ZNF625: variants seen among roughly 807,000 people sequenced by gnomAD.
ZNF625 encodes the protein zinc finger protein 625.
ZNF625 carries 8 observed loss-of-function variants against 11.1 expected under a neutral mutation model. The observed-to-expected ratio is 0.72, with a 90% CI of 0.42 to 1.30. The LOEUF (loss-of-function observed/expected upper bound fraction) is 1.30. Ranked by LOEUF, ZNF625 falls within the 50% of genes most tolerant of loss-of-function variation. The pLI is 0.01. For synonymous variants in ZNF625, 145 were observed against 153.4 expected (o/e 0.95, Z 0.41); for missense variants, 349 against 447.6 (o/e 0.78, Z 1.99).
intron 1 of ZNF625, among the ~76,000 whole-genome samples, chr19:12,149,064 G>A (rs575907033): frequency 1.3e-5 from 2 of 151,936 alleles, no homozygotes; most frequent in African/African-American, 4.8e-5. Flanking sequence ...GGTGGATCAC[G>A]AGGTCAGGAG....
chr19:12,150,789 C>G (rs778832467), intron 1 of ZNF625, among the ~76,000 whole-genome samples: 4 of 152,158 alleles, frequency 2.6e-5, no homozygotes, highest in Admixed American at 6.5e-5. Flanking sequence ...GAGAGTATCT[C>G]CCACTCACAT....
At chr19:12,156,420 G>T in intron 1 of ZNF625, 136 bp downstream of exon 1, 1 of 646,158 alleles carries the variant, frequency 1.5e-6, no homozygotes, top group Non-Finnish European at 2.2e-6. Context: ...GGGACCGAGG[G>T]CCGAGCTACG....
In ZNF625 at chr19:12,145,134, C is replaced by T; in HGVS notation, c.*163G>A. On this transcript the variant is annotated 3_prime_UTR_variant, in exon 4 of 4. Coordinates refer to ENST00000439556, the MANE Select transcript of ZNF625 (RefSeq NM_145233.4). ...TGAGTGAGGCCCCAGCTAAACTACTCCCAAAAATTTTTGCTCCTGGGCTAC... is the reference window on the plus strand; with the variant it reads ...TGAGTGAGGCCCCAGCTAAACTACTTCCAAAAATTTTTGCTCCTGGGCTAC... 1 of 786,680 alleles carries T rather than the reference C, an allele frequency of 1.3e-6. No individual in the cohort carries two copies. The highest frequency in any genetic ancestry group is 2.1e-6 in the Non-Finnish European group (1 of 484,592). 48.7% of individuals were successfully genotyped at this position (786,680 alleles called of 1,614,324 possible). A position where few individuals can be genotyped will look rare whatever the true frequency, so the allele number is the denominator to read the frequency against.
Position 12,145,465 on chromosome 19 carries a change from G to A in ZNF625, c.951C>T (p.His317=). ...QCGKAFRSAS[H]LRTHGRTHTG... ...TGTGAGTCCTTCCATGTGTTCGAAG[G>A]TGCGAGGCAGATCTGAAGGCTTTCC... Residue 317 remains histidine, a synonymous_variant, in exon 4 of 4, where the codon CAC becomes CAT. Coordinates refer to ENST00000439556, the MANE Select transcript of ZNF625 (RefSeq NM_145233.4). 3 of 1,613,964 alleles carry A rather than the reference G, an allele frequency of 1.9e-6. No individual in the cohort carries two copies. Among genetic ancestry groups the A allele is most frequent in the Non-Finnish European group, 2.5e-6 (3 of 1,179,980 alleles).
In ZNF625 at chr19:12,156,579, TG is replaced by T; in HGVS notation, c.-22del. Reference sequence around the variant, plus strand: ...ACCATTTCCCGGCTTCCAGGTGTCCTGGCCTCCTCTCCACGGATCCCTCTAA... The same window carrying T: ...ACCATTTCCCGGCTTCCAGGTGTCCTGCCTCCTCTCCACGGATCCCTCTAA... On this transcript the variant is annotated 5_prime_UTR_variant, in exon 1 of 4. Transcript: ENST00000439556. 1 of 1,392,720 alleles carries T rather than the reference TG, an allele frequency of 7.2e-7. No homozygotes were observed. The highest frequency in any genetic ancestry group is 9.3e-7 in the Non-Finnish European group (1 of 1,071,986). 86.3% of individuals were successfully genotyped at this position (1,392,720 alleles called of 1,614,324 possible).
rs1319699064 is a variant in ZNF625, at chr19:12,154,646, C to A, written c.3+1910G>T. Among the ~76,000 whole-genome samples, 11 of 152,306 alleles carry A rather than the reference C, an allele frequency of 7.2e-5. No individual in the cohort carries two copies. In the East Asian group the frequency reaches 1.9e-3, roughly 27 times the overall value. On this transcript the variant is annotated intron_variant, in intron 1 of 3. Transcript: ENST00000439556. ...ATCATTTAAGGTAGAAAAATCCAAA[C>A]AAGGCGACTACATCACTGTAACCAA...
chr19:12,156,124 G>C (rs1276200880), intron 1 of ZNF625, among the ~76,000 whole-genome samples: 1 of 152,140 alleles, frequency 6.6e-6, no homozygotes, highest in Non-Finnish European at 1.5e-5. Context: ...TGCCAGGCGT[G>C]ACCCACTGCG....
At chr19:12,151,076 C>T (rs1976947403) in intron 1 of ZNF625, among the ~76,000 whole-genome samples, 1 of 149,918 alleles carries the variant, frequency 6.7e-6, no homozygotes, top group Non-Finnish European at 1.5e-5. Flanking sequence ...GGTGAATACT[C>T]TTTGCAATTT....
Position 12,145,357 on chromosome 19 carries a change from G to A in ZNF625, c.1059C>T (p.His353=), listed in dbSNP as rs1976852394. 6.2e-7 allele frequency: 1 copy of A among 1,614,190 alleles called. No homozygotes were observed. The highest frequency in any genetic ancestry group is 8.5e-7 in the Non-Finnish European group (1 of 1,180,040). ...ASSVKIHERT[H]TGEKPCSSNT... is the part of the protein sequence containing the mutation. ...TGGAGCTACAGGGTTTTTCTCCAGT[G>A]TGAGTCCTTTCATGGATTTTAACGC... Residue 353 remains histidine, a synonymous_variant, in exon 4 of 4, where the codon CAC becomes CAT. Coordinates refer to ENST00000439556, the MANE Select transcript of ZNF625 (RefSeq NM_145233.4).
chr19:12,150,017 G>A (rs1373018320), intron 1 of ZNF625, among the ~76,000 whole-genome samples: 1 of 152,194 alleles, frequency 6.6e-6, no homozygotes, highest in Admixed American at 6.5e-5. Flanking sequence ...GGGATTACAG[G>A]TGTGAGCCAC....
In ZNF625 at chr19:12,145,862, T is replaced by A; in HGVS notation, c.554A>T (p.His185Leu). Residue 185 changes from histidine (H) to leucine (L), a missense_variant, in exon 4 of 4, where the codon CAC (histidine) becomes CTC (leucine). His to Leu is a moderately conservative substitution (Grantham distance 99, BLOSUM62 -3). Transcript: ENST00000439556. ...RSSIRRHRIM[H>L]SGDGPYKCNF... is the part of the protein sequence containing the mutation. ...ACATTTGTAGGGTCCATCTCCACTG[T>A]GCATTATCCTGTGTCTTCGAATGCT... 1 of 1,614,218 alleles carries A rather than the reference T, an allele frequency of 6.2e-7. No homozygotes were observed. The highest frequency in any genetic ancestry group is 2.2e-5 in the East Asian group (1 of 44,886).
chr19:12,147,344 A>C, intron 3 of ZNF625, 51 bp downstream of exon 3: 1 of 1,354,682 alleles, frequency 7.4e-7, no homozygotes, highest in South Asian at 1.3e-5. Flanking sequence ...ATTTTCTTCC[A>C]TTCTATGATT....
At chr19:12,155,612 G>A (rs1977015560) in intron 1 of ZNF625, among the ~76,000 whole-genome samples, 1 of 152,082 alleles carries the variant, frequency 6.6e-6, no homozygotes, top group Non-Finnish European at 1.5e-5. Flanking sequence ...CGAACCTCCT[G>A]GGGACCACTT....
At chr19:12,153,989 A>C (rs773556635) in intron 1 of ZNF625, among the ~76,000 whole-genome samples, 1 of 151,210 alleles carries the variant, frequency 6.6e-6, no homozygotes, top group Non-Finnish European at 1.5e-5. Context: ...TTGTATTTTT[A>C]GTAGAGACGG....
At chr19:12,154,771 T>C (rs1977004210) in intron 1 of ZNF625, among the ~76,000 whole-genome samples, 1 of 152,090 alleles carries the variant, frequency 6.6e-6, no homozygotes, top group African/African-American at 2.4e-5. Context: ...CCCACCCCAA[T>C]CAAGTCAACT....
chr19:12,148,245 G>A (rs980949563), intron 1 of ZNF625, among the ~76,000 whole-genome samples: 18 of 152,138 alleles, frequency 1.2e-4, no homozygotes, highest in African/African-American at 4.1e-4. Context: ...CTCCCAAAGT[G>A]CTGGGATTAC....
At chr19:12,153,416 T>C (rs997113114) in intron 1 of ZNF625, among the ~76,000 whole-genome samples, 2 of 148,344 alleles carry the variant, frequency 1.3e-5, no homozygotes, top group Non-Finnish European at 3.0e-5. Context: ...CTGGGTGCAG[T>C]AGTTCATGCC....
chr19:12,151,247 T>C (rs1242166760), intron 1 of ZNF625, among the ~76,000 whole-genome samples: 6 of 150,218 alleles, frequency 4.0e-5, no homozygotes, highest in African/African-American at 4.9e-5. Flanking sequence ...AGTCTCACTC[T>C]GTCATCCAGG....
chr19:12,154,270 G>A (rs1976998524), intron 1 of ZNF625, among the ~76,000 whole-genome samples: 2 of 151,948 alleles, frequency 1.3e-5, no homozygotes, highest in Non-Finnish European at 2.9e-5. Flanking sequence ...ATTTGATAAT[G>A]GCTCACTGCA....
Sources: gnomAD v4.1 joint callset for allele counts (sites outside exome capture counted in the v4.1 genomes callset) on GRCh38, gnomAD v4.1.1 for gene constraint, MANE v1.5 for transcripts, NCBI Gene and HGNC (gene_info 2026-07-23, HGNC 2026-07-21) for gene names.